The following PTPRN2 variants were observed in gnomAD, a reference collection of about 807,000 sequenced individuals.
PTPRN2 encodes the protein protein tyrosine phosphatase receptor type N2, also known as receptor-type tyrosine-protein phosphatase N2.
Under a neutral mutation model 118.8 loss-of-function variants are expected in PTPRN2, and 74 were observed. The ratio of observed to expected loss-of-function variants is 0.62; its 90% CI spans 0.52 to 0.76. The LOEUF is 0.76. Ranked by LOEUF, PTPRN2 falls within the 30% of genes least tolerant of loss-of-function variation. The pLI is 0.00. For synonymous variants in PTPRN2, 641 were observed against 608.0 expected (o/e 1.05, Z -0.80); for missense variants, 1,481 against 1,394.4 (o/e 1.06, Z -0.99).
At chr7:157,653,886 A>G (rs1805851853) in intron 14 of PTPRN2, among the ~76,000 whole-genome samples, 1 of 100,810 alleles carries the variant, frequency 9.9e-6, no homozygotes, top group Non-Finnish European at 2.0e-5. Flanking sequence ...TGATCCCCAC[A>G]CCCACCCCAA....
intron 12 of PTPRN2, among the ~76,000 whole-genome samples, chr7:157,724,686 A>G (rs945088946): frequency 6.6e-6 from 1 of 152,216 alleles, no homozygotes; most frequent in Non-Finnish European, 1.5e-5. Flanking sequence ...CCTGTTTATG[A>G]TAAAGTGCTG....
intron 11 of PTPRN2, among the ~76,000 whole-genome samples, chr7:158,060,394 T>C (rs1810232273): frequency 6.6e-6 from 1 of 152,230 alleles, no homozygotes; most frequent in Admixed American, 6.5e-5. Flanking sequence ...GGTCTCACTG[T>C]CTCGCCGTGT....
intron 11 of PTPRN2, among the ~76,000 whole-genome samples, chr7:157,928,576 A>G (rs1799165061): frequency 6.6e-6 from 1 of 151,076 alleles, no homozygotes. Context: ...CACCCAGGAC[A>G]CTCCCCGTGT....
intron 2 of PTPRN2, among the ~76,000 whole-genome samples, chr7:158,483,044 T>C (rs1355651297): frequency 6.6e-6 from 1 of 152,208 alleles, no homozygotes; most frequent in African/African-American, 2.4e-5. Context: ...AGACAGGCCT[T>C]GCTGAGCCCT....
chr7:158,193,413 G>A (rs866647418), intron 4 of PTPRN2, among the ~76,000 whole-genome samples: 2 of 152,200 alleles, frequency 1.3e-5, no homozygotes, highest in African/African-American at 4.8e-5. Context: ...CGGAAAGGAA[G>A]AGCAGAACCA....
At chr7:158,250,023 G>A (rs770197488) in intron 3 of PTPRN2, among the ~76,000 whole-genome samples, 2 of 152,088 alleles carry the variant, frequency 1.3e-5, no homozygotes, top group South Asian at 2.1e-4. Context: ...ACACACACAC[G>A]AGTTTCCTAC....
chr7:158,007,217 C>G (rs1054258542), intron 11 of PTPRN2, among the ~76,000 whole-genome samples: 12 of 152,332 alleles, frequency 7.9e-5, no homozygotes, highest in Admixed American at 2.6e-4. Flanking sequence ...TATGCGGCCC[C>G]GGGTGTTGGC....
intron 12 of PTPRN2, among the ~76,000 whole-genome samples, chr7:157,707,193 A>ACATG (rs1554416875): frequency 3.2e-4 from 25 of 78,502 alleles, no homozygotes; most frequent in Admixed American, 2.4e-3. Flanking sequence ...GATACAGCAT[A>ACATG]CACGCACACA....
intron 6 of PTPRN2, among the ~76,000 whole-genome samples, chr7:158,139,750 G>A (rs1043989822): frequency 2.6e-5 from 4 of 152,104 alleles, no homozygotes; most frequent in East Asian, 1.9e-4. Context: ...CGCAGAGGCC[G>A]CCAGACACCC....
At chr7:158,532,096 C>T (rs1489003353) in intron 1 of PTPRN2, among the ~76,000 whole-genome samples, 2 of 152,334 alleles carry the variant, frequency 1.3e-5, no homozygotes, top group East Asian at 1.9e-4. Context: ...CAGAAAGGGG[C>T]GTGTCCATCC....
At chr7:158,385,329 C>A (rs1015806635) in intron 2 of PTPRN2, among the ~76,000 whole-genome samples, 4 of 152,040 alleles carry the variant, frequency 2.6e-5, no homozygotes, top group African/African-American at 9.7e-5. Context: ...TCAATTGAAC[C>A]GATGAAGATG....
At chr7:157,602,293 C>T (rs570153451) in intron 16 of PTPRN2, among the ~76,000 whole-genome samples, 8 of 152,360 alleles carry the variant, frequency 5.3e-5, no homozygotes, top group South Asian at 2.1e-4. Context: ...TGCGGGAAAA[C>T]GGGACTGGCT....
chr7:157,631,995 C>T (rs567815348), intron 14 of PTPRN2, among the ~76,000 whole-genome samples: 36 of 152,242 alleles, frequency 2.4e-4, no homozygotes, highest in African/African-American at 7.7e-4. Flanking sequence ...ACGTACTTTC[C>T]GAAGAGCAAA....
At chr7:158,170,721 C>G (rs184162786) in intron 5 of PTPRN2, among the ~76,000 whole-genome samples, 404 of 152,210 alleles carry the variant, frequency 2.7e-3, no homozygotes, top group Non-Finnish European at 3.5e-3. Context: ...GGAACATGGG[C>G]AGTAAAGAAA....
At chr7:158,307,244 G>A (rs930939601) in intron 3 of PTPRN2, among the ~76,000 whole-genome samples, 1 of 152,158 alleles carries the variant, frequency 6.6e-6, no homozygotes, top group Admixed American at 6.5e-5. Context: ...GGAAAATAGT[G>A]TCTCATCAAA....
intron 2 of PTPRN2, among the ~76,000 whole-genome samples, chr7:158,382,346 C>G (rs1156381113): frequency 6.6e-6 from 1 of 152,182 alleles, no homozygotes; most frequent in Non-Finnish European, 1.5e-5. Context: ...ACCTCACCCA[C>G]TTTTTGGTGT....
intron 3 of PTPRN2, among the ~76,000 whole-genome samples, chr7:158,250,931 A>C (rs1356588612): frequency 6.6e-6 from 1 of 152,192 alleles, no homozygotes; most frequent in Non-Finnish European, 1.5e-5. Flanking sequence ...AAATTTTCCA[A>C]AAGAAAAAAG....
chr7:158,563,036 G>C lies in PTPRN2; in HGVS notation c.112+24522C>G, dbSNP rs1471163100. Among the ~76,000 whole-genome samples the C allele has an allele frequency of 2.0e-5, 3 of 152,134 alleles. No homozygotes were observed. Among genetic ancestry groups the C allele is most frequent in the Non-Finnish European group, 2.9e-5 (2 of 68,028 alleles). ...ACCTACATTGAGGGGGCAGGGTGTG[G>C]TCCTCCTGGTTTCAGAGAAATCAAC... On this transcript the variant is annotated intron_variant, in intron 1 of 22. Coordinates refer to ENST00000389418, the MANE Select transcript of PTPRN2 (RefSeq NM_002847.5). The surrounding 1 kb of genome is among the most constrained non-coding windows in gnomAD (Gnocchi z 5.1).
intron 11 of PTPRN2, among the ~76,000 whole-genome samples, chr7:157,985,627 G>GC (rs1803724041): frequency 6.6e-6 from 1 of 152,132 alleles, no homozygotes; most frequent in Admixed American, 6.5e-5. Context: ...TAAGATTCAG[G>GC]CCCCCCTCAG....
Sources: gnomAD v4.1 joint callset for allele counts (sites outside exome capture counted in the v4.1 genomes callset) on GRCh38, gnomAD v4.1.1 for gene constraint, Gnocchi (gnomAD v3.1) non-coding constraint, MANE v1.5 for transcripts, NCBI Gene and HGNC (gene_info 2026-07-23, HGNC 2026-07-21) for gene names.